Variants in ENTHD1 observed in about 807,000 individuals in gnomAD.
ENTHD1 encodes the protein ENTH domain-containing protein 1.
In ENTHD1, 23 loss-of-function variants were observed where a neutral mutation model predicts 39.1. The observed-to-expected ratio is 0.59, with a 90% CI of 0.42 to 0.83. The LOEUF is 0.83. Ranked by LOEUF, ENTHD1 falls within the 40% of genes least tolerant of loss-of-function variation. ENTHD1 has a pLI of 0.00. For synonymous variants in ENTHD1, 230 were observed against 258.2 expected (o/e 0.89, Z 1.05); for missense variants, 624 against 705.4 (o/e 0.88, Z 1.31).
chr22:39,807,437 C>T (rs2065651688), intron 5 of ENTHD1, among the ~76,000 whole-genome samples: 1 of 152,162 alleles, frequency 6.6e-6, no homozygotes, highest in South Asian at 2.1e-4. Context: ...CTCTTCTACA[C>T]CTGATCTTAG....
Position 39,743,827 on chromosome 22 carries a change from A to G in ENTHD1, c.1676T>C (p.Ile559Thr), listed in dbSNP as rs1402619975. 2 of 1,614,132 alleles carry G rather than the reference A, an allele frequency of 1.2e-6. No homozygotes were observed. Among genetic ancestry groups the G allele is most frequent in the East Asian group, 2.2e-5 (1 of 44,882 alleles). Residue 559 changes from isoleucine to threonine, a missense_variant, in exon 7 of 7, where the codon ATC (isoleucine) becomes ACC (threonine). By Grantham distance (89) the Ile-to-Thr change is moderately conservative. Transcript: ENST00000325157. ...GCTCAGATCTTCATGTAATCTAGCG[A>G]TCGCACGTTTTACCTCCCTTAAAAG... ...SVLLREVKRAIARLHEDLSTV... is the reference protein window; with the variant it reads ...SVLLREVKRATARLHEDLSTV...
At chr22:39,891,746 G>C (rs1364693562) in intron 1 of ENTHD1, among the ~76,000 whole-genome samples, 1 of 151,856 alleles carries the variant, frequency 6.6e-6, no homozygotes, top group Non-Finnish European at 1.5e-5. Context: ...AGCCTCCCAA[G>C]TAGCTGGGAC....
At chr22:39,796,109 G>A (rs2065547077) in intron 5 of ENTHD1, among the ~76,000 whole-genome samples, 1 of 151,392 alleles carries the variant, frequency 6.6e-6, no homozygotes, top group African/African-American at 2.4e-5. Context: ...CTATTTTTGG[G>A]TTTGTTCTTC....
Position 39,837,589 on chromosome 22 carries a change from G to A in ENTHD1, c.593-1631C>T, listed in dbSNP as rs533501165. On this transcript the variant is annotated intron_variant, in intron 3 of 6. Transcript: ENST00000325157. ...TCCAGACATTTCTTTTAATGGGAAA[G>A]CATGGCATAAATAACAAGGTATTTT... 1.1e-4 allele frequency among the ~76,000 whole-genome samples: 16 copies of A among 152,306 alleles called. No homozygotes were observed. The East Asian group carries it at 2.1e-3, about 20-fold the overall frequency.
chr22:39,797,105 C>T (rs963014351), intron 5 of ENTHD1, among the ~76,000 whole-genome samples: 3 of 152,156 alleles, frequency 2.0e-5, no homozygotes, highest in Non-Finnish European at 2.9e-5. Flanking sequence ...ATCCCTTTAT[C>T]GTTACATAAT....
chr22:39,793,698 C>A (rs962216982), intron 5 of ENTHD1, among the ~76,000 whole-genome samples: 3 of 152,130 alleles, frequency 2.0e-5, no homozygotes, highest in African/African-American at 7.2e-5. Flanking sequence ...TTTCCCAGCA[C>A]CATTTATTGA....
intron 3 of ENTHD1, among the ~76,000 whole-genome samples, chr22:39,852,171 A>C (rs78055759): frequency 7.1e-6 from 1 of 140,840 alleles, no homozygotes; most frequent in African/African-American, 2.7e-5. Context: ...TGTTTCTACC[A>C]AAAAAAAAAA....
intron 5 of ENTHD1, 144 bp from the exon 6 acceptor site, chr22:39,765,753 T>C (rs2065271629): frequency 2.4e-6 from 2 of 846,052 alleles, no homozygotes; most frequent in Non-Finnish European, 3.5e-6. Context: ...CTTACTATGC[T>C]TCTATATTCT....
intron 5 of ENTHD1, among the ~76,000 whole-genome samples, chr22:39,805,650 T>A (rs1569148106): frequency 6.6e-6 from 1 of 152,112 alleles, no homozygotes; most frequent in Non-Finnish European, 1.5e-5. Flanking sequence ...AAAGTTATGA[T>A]GCCAAGCAGG....
chr22:39,869,786 A>G (rs1177903837), intron 2 of ENTHD1, among the ~76,000 whole-genome samples: 1 of 152,024 alleles, frequency 6.6e-6, no homozygotes, highest in East Asian at 1.9e-4. Flanking sequence ...CATGACTCAT[A>G]TTGACAACAA....
chr22:39,877,168 G>A lies in ENTHD1; in HGVS notation c.349+10232C>T, dbSNP rs369838744. On this transcript the variant is annotated intron_variant, in intron 2 of 6. Transcript: ENST00000325157. ...TAATGGGTCTTAACCTAAGATAAAAGAGACTGACCCAGCCTTGCCAACTGT... is the reference window on the plus strand; with the variant it reads ...TAATGGGTCTTAACCTAAGATAAAAAAGACTGACCCAGCCTTGCCAACTGT... Among the ~76,000 whole-genome samples the A allele has an allele frequency of 2.0e-5, 3 of 152,168 alleles. No individual in the cohort carries two copies. In the East Asian group the frequency reaches 5.8e-4, roughly 29 times the overall value.
At chr22:39,890,575 G>A (rs2066418882) in intron 1 of ENTHD1, among the ~76,000 whole-genome samples, 1 of 151,954 alleles carries the variant, frequency 6.6e-6, no homozygotes, top group African/African-American at 2.4e-5. Context: ...TATTTTGGAA[G>A]AACAATCGTA....
At chr22:39,858,189 A>G (rs1356995609) in intron 3 of ENTHD1, among the ~76,000 whole-genome samples, 1 of 152,224 alleles carries the variant, frequency 6.6e-6, no homozygotes, top group Non-Finnish European at 1.5e-5. Flanking sequence ...CTTTGTTGGC[A>G]TTGCAACAAT....
At chr22:39,780,383 A>G (rs1216101334) in intron 5 of ENTHD1, among the ~76,000 whole-genome samples, 1 of 152,018 alleles carries the variant, frequency 6.6e-6, no homozygotes, top group African/African-American at 2.4e-5. Flanking sequence ...CTCAAAAAAA[A>G]AAAAAATACT....
intron 2 of ENTHD1, among the ~76,000 whole-genome samples, chr22:39,880,503 C>CTTTT (rs2066328259): frequency 6.6e-6 from 1 of 152,038 alleles, no homozygotes; most frequent in Non-Finnish European, 1.5e-5. Context: ...CATAACTGTA[C>CTTTT]GTTCATCGAT....
chr22:39,830,632 G>A (rs1289658444), intron 4 of ENTHD1, among the ~76,000 whole-genome samples: 2 of 152,148 alleles, frequency 1.3e-5, no homozygotes, highest in Non-Finnish European at 2.9e-5. Context: ...AGGAAAAAAA[G>A]AGAAGCTAAC....
At chr22:39,762,858 A>G (rs916304424) in intron 6 of ENTHD1, among the ~76,000 whole-genome samples, 2 of 152,176 alleles carry the variant, frequency 1.3e-5, no homozygotes, top group African/African-American at 4.8e-5. Flanking sequence ...CCTATCTTAT[A>G]CATTCAGAAT....
intron 3 of ENTHD1, among the ~76,000 whole-genome samples, chr22:39,842,121 G>A (rs1350085228): frequency 1.3e-5 from 2 of 151,302 alleles, no homozygotes; most frequent in African/African-American, 4.9e-5. Context: ...TAGTCTGATG[G>A]GCTTCCCTTT....
At position 39,834,473 on chromosome 22, in the gene ENTHD1, TAGC is replaced by T. The variant is rs573180395; in HGVS notation, c.711+1364_711+1366del. On this transcript the variant is annotated intron_variant, in intron 4 of 6. Coordinates refer to ENST00000325157, the MANE Select transcript of ENTHD1 (RefSeq NM_152512.4). The stretch of plus-strand genomic sequence containing the variant: ...CCTATTAGAAGAGCTAAAATTAAAA[TAGC>T]AGTAATACCAAAAGTTGGTTAGGAT... Among the ~76,000 whole-genome samples, 40 of 152,258 alleles carry T rather than the reference TAGC, an allele frequency of 2.6e-4. 1 individual carries two copies. The South Asian group carries it at 7.5e-3, about 28-fold the overall frequency.
Sources: gnomAD v4.1 joint callset for allele counts (sites outside exome capture counted in the v4.1 genomes callset) on GRCh38, gnomAD v4.1.1 for gene constraint, MANE v1.5 for transcripts, NCBI Gene and HGNC (gene_info 2026-07-23, HGNC 2026-07-21) for gene names.